USP9X: variants seen among roughly 807,000 people sequenced by gnomAD.
USP9X encodes ubiquitin carboxyl-terminal hydrolase 9X.
Under a neutral mutation model 190.3 loss-of-function variants are expected in USP9X, and 7 were observed. The ratio of observed to expected loss-of-function variants is 0.04; its 90% CI spans 0.02 to 0.07. The LOEUF (loss-of-function observed/expected upper bound fraction) is 0.07, where lower values mean the gene tolerates loss of function less well. Ranked by LOEUF, USP9X falls within the 10% of genes least tolerant of loss-of-function variation. The probability of loss-of-function intolerance (pLI) is 1.00; values close to 1 mark genes in which losing one functional copy is unlikely to be tolerated. For synonymous variants in USP9X, 645 were observed against 659.5 expected (o/e 0.98, Z 0.34); for missense variants, 1,010 against 1,916.9 (o/e 0.53, Z 8.83).
At chrX:41,136,488 G>T (rs2062374325) in intron 5 of USP9X, among the ~76,000 whole-genome samples, 2 of 112,455 alleles carry the variant, frequency 1.8e-5, no homozygotes, top group South Asian at 7.4e-4. Flanking sequence ...CTCTAGAATT[G>T]CTGCCTCTCG....
intron 2 of USP9X, among the ~76,000 whole-genome samples, chrX:41,124,424 A>G (rs1434501299): frequency 8.9e-6 from 1 of 111,820 alleles, no homozygotes; most frequent in East Asian, 2.8e-4. Flanking sequence ...AGCCTGGGTG[A>G]CAGAGCAAGA....
Position 41,219,142 on chromosome X carries a change from C to T in USP9X, c.6476C>T (p.Ala2159Val). The T allele has an allele frequency of 8.3e-7, 1 of 1,209,732 alleles. No individual in the cohort carries two copies. Among genetic ancestry groups the T allele is most frequent in the Non-Finnish European group, 1.1e-6 (1 of 894,244 alleles). ...NLSLSDHLLR[A>V]VLNLLRREVS... is the part of the protein sequence containing the mutation. ...AGCTTGAGTGATCACTTACTAAGAG[C>T]AGTACTAAATCTCTTGAGAAGGGAA... Residue 2159 changes from alanine (A) to valine (V), a missense_variant, in exon 38 of 45, where the codon GCA becomes GTA. By Grantham distance (64) the Ala-to-Val change is moderately conservative. Around this residue, in one of 11 missense-constraint regions of USP9X, gnomAD observed 121 missense variants for 281.2 expected, o/e 0.43. Transcript: ENST00000378308.
intron 11 of USP9X, among the ~76,000 whole-genome samples, chrX:41,147,938 C>G (rs562968343): frequency 9.9e-5 from 11 of 111,204 alleles, no homozygotes; most frequent in Admixed American, 9.6e-4. Flanking sequence ...AGGCATGGTG[C>G]CAGCTTAACC....
At chrX:41,096,039 T>A (rs2061988645) in intron 1 of USP9X, among the ~76,000 whole-genome samples, 1 of 112,343 alleles carries the variant, frequency 8.9e-6, no homozygotes, top group East Asian at 2.8e-4. Context: ...CCTTTCAACT[T>A]TTCCTGCCAC....
Position 41,186,598 on chromosome X carries a change from C to A in USP9X, c.3640C>A (p.Leu1214Ile), listed in dbSNP as rs1455554493. Residue 1214 changes from leucine (L) to isoleucine (I), a missense_variant, in exon 24 of 45, where the codon CTT becomes ATT. Leu to Ile is a conservative substitution (Grantham distance 5). This residue lies in a region of USP9X where 351 missense variants were observed against 480.8 expected (regional missense o/e 0.73). Coordinates refer to ENST00000378308, the MANE Select transcript of USP9X (RefSeq NM_001039591.3). ...TCCTAATCCATCATCCGAGTGCATG[C>A]TTAGAAATGTGTCAGTTCGTCTTGC... Reference protein sequence around the residue: ...SIPNPSSECMLRNVSVRLAQQ... With the variant: ...SIPNPSSECMIRNVSVRLAQQ... 2.5e-6 allele frequency: 3 copies of A among 1,211,208 alleles called. No homozygotes were observed.
intron 41 of USP9X, among the ~76,000 whole-genome samples, chrX:41,226,809 A>G (rs1328310355): frequency 9.0e-6 from 1 of 111,386 alleles, no homozygotes; most frequent in Non-Finnish European, 1.9e-5. Context: ...AACTTTTACT[A>G]TTTTCTTTTT....
At chrX:41,104,638 C>T (rs1412946692) in intron 1 of USP9X, among the ~76,000 whole-genome samples, 5 of 111,396 alleles carry the variant, frequency 4.5e-5, no homozygotes, top group African/African-American at 1.6e-4. Context: ...TAAGAATTGT[C>T]AAGAGGGGAT....
rs776856219 is a variant in USP9X at position 41,160,579 on chromosome X, C to A, written c.1898-2211C>A. Among the ~76,000 whole-genome samples the A allele has an allele frequency of 3.6e-5, 4 of 111,335 alleles. No individual in the cohort carries two copies. The East Asian group carries it at 1.1e-3, about 31-fold the overall frequency. On this transcript the variant is annotated intron_variant, in intron 14 of 44. Coordinates refer to ENST00000378308, the MANE Select transcript of USP9X (RefSeq NM_001039591.3). ...AAAGTTTAACAAAATAGTTACATAGCCTCAAAGTCTCTCTCTACAAATTAC... is the reference window on the plus strand; with the variant it reads ...AAAGTTTAACAAAATAGTTACATAGACTCAAAGTCTCTCTCTACAAATTAC...
chrX:41,159,536 T>C (rs2062609461), intron 14 of USP9X, among the ~76,000 whole-genome samples: 1 of 110,987 alleles, frequency 9.0e-6, no homozygotes, highest in South Asian at 3.8e-4. Flanking sequence ...TTTTTTTTTT[T>C]TCTTTTTTTT....
chrX:41,130,977 C>G (rs908021467), intron 3 of USP9X, among the ~76,000 whole-genome samples: 2 of 109,580 alleles, frequency 1.8e-5, no homozygotes, highest in East Asian at 2.8e-4. Context: ...CCTCCTGCCT[C>G]GGCCTCCCAA....
chrX:41,166,058 G>A lies in USP9X; in HGVS notation c.2172G>A (p.Val724=). 2 of 1,211,427 alleles carry A rather than the reference G, an allele frequency of 1.7e-6. No homozygotes were observed. Among genetic ancestry groups the A allele is most frequent in the African/African-American group, 3.5e-5 (2 of 57,727 alleles). The part of the protein sequence containing the change: ...DINKDFFESN[V]LQLDPSLLTE... ...ATAAGGACTTCTTTGAAAGTAATGT[G>A]CTTCAGCTTGATCCTTCTCTGTTAA... Residue 724 remains valine, a synonymous_variant, in exon 16 of 45, where the codon GTG becomes GTA. Coordinates refer to ENST00000378308, the MANE Select transcript of USP9X (RefSeq NM_001039591.3).
chrX:41,099,096 GTTTTT>G (rs34179321), intron 1 of USP9X, among the ~76,000 whole-genome samples: 31 of 44,262 alleles, frequency 7.0e-4, no homozygotes, highest in African/African-American at 1.2e-3. Context: ...CCAGATAATT[GTTTTT>G]TTTTTTTTTT....
chrX:41,186,399 A>G, intron 23 of USP9X, 118 bp from the exon 24 acceptor site: 3 of 840,366 alleles, frequency 3.6e-6, no homozygotes, highest in Admixed American at 5.5e-5. Context: ...CACAGGTTCT[A>G]TAATGTGTAT....
At chrX:41,197,852 G>GA (rs199718467) in intron 29 of USP9X, among the ~76,000 whole-genome samples, 13,439 of 100,171 alleles carry the variant, frequency 0.13, 882 homozygotes, top group East Asian at 0.21. Flanking sequence ...CTCTACAAAA[G>GA]AAAAAAAAAA....
intron 28 of USP9X, 21 bp from the exon 29 acceptor site, chrX:41,197,343 C>CCCCCCCCCCCCCCCAGG: frequency 1.4e-6 from 1 of 737,390 alleles, no homozygotes; most frequent in Non-Finnish European, 1.7e-6. Context: ...CCCCCCCCAC[C>CCCCCCCCCCCCCCCAGG]CCACCCCCCG....
intron 29 of USP9X, among the ~76,000 whole-genome samples, chrX:41,198,017 A>C (rs1569190100): frequency 8.9e-6 from 1 of 112,099 alleles, no homozygotes; most frequent in Admixed American, 9.5e-5. Context: ...CCTGTCTCAA[A>C]ATAAATAGAT....
At chrX:41,206,942 T>G (rs1040235700) in intron 32 of USP9X, among the ~76,000 whole-genome samples, 5 of 108,032 alleles carry the variant, frequency 4.6e-5, no homozygotes, top group African/African-American at 6.8e-5. Context: ...GGGCCAACCA[T>G]GCCCGGCCAA....
In USP9X at chrX:41,235,884, C is replaced by A. The variant is rs1248947449; in HGVS notation, c.*3360C>A. On this transcript the variant is annotated 3_prime_UTR_variant, in exon 45 of 45. Transcript: ENST00000378308. ...AAGATGAGGAGACTTTTTTGACTTACATTTGTAAATGAAAACAAGTCTGTG... is the reference window on the plus strand; with the variant it reads ...AAGATGAGGAGACTTTTTTGACTTAAATTTGTAAATGAAAACAAGTCTGTG... 1 of 111,910 alleles carries A rather than the reference C, an allele frequency of 8.9e-6. No individual in the cohort carries two copies. Among genetic ancestry groups the A allele is most frequent in the African/African-American group, 3.2e-5 (1 of 30,793 alleles). The allele number at this position is 111,910 out of a possible 1,213,427, so 9.2% of individuals were successfully genotyped here.
At chrX:41,183,024 C>G (rs1318193834) in intron 21 of USP9X, among the ~76,000 whole-genome samples, 1 of 109,027 alleles carries the variant, frequency 9.2e-6, no homozygotes. Flanking sequence ...CTGCAACGTC[C>G]GCCTCCCAGG....
Sources: allele counts gnomAD v4.1 joint callset (sites outside exome capture counted in the v4.1 genomes callset), GRCh38; gene constraint gnomAD v4.1.1; regional missense constraint gnomAD v4.1.1; transcripts MANE v1.5; gene names NCBI Gene and HGNC (gene_info 2026-07-23, HGNC 2026-07-21).